Variants in ANKIB1 observed in about 807,000 individuals in gnomAD.
The protein encoded by ANKIB1 is ankyrin repeat and IBR domain containing 1, also known as ankyrin repeat and IBR domain-containing protein 1.
A neutral mutation model predicts 122.1 loss-of-function variants in ANKIB1; 43 were observed. That is an observed-to-expected ratio of 0.35 (90% CI 0.28 to 0.45). The LOEUF (loss-of-function observed/expected upper bound fraction) is 0.45. ANKIB1 is among the 20% of genes least tolerant of loss of function. The pLI is 1.00. For missense variants in ANKIB1, 992 were observed against 1,329.5 expected, an observed-to-expected ratio of 0.75 and a Z score of 3.95; for synonymous variants, 390 against 442.0, an observed-to-expected ratio of 0.88 and a Z score of 1.48.
At chr7:92,256,955 C>T (rs911616928) in intron 1 of ANKIB1, among the ~76,000 whole-genome samples, 2 of 151,986 alleles carry the variant, frequency 1.3e-5, no homozygotes, top group African/African-American at 2.4e-5. Flanking sequence ...TTTGAGAGGC[C>T]GAGGCATGTG....
Position 92,352,467 on chromosome 7 carries a change from T to C in ANKIB1, c.1231-9T>C. The C allele has an allele frequency of 6.2e-7, 1 of 1,612,972 alleles. No individual in the cohort carries two copies. The highest frequency in any genetic ancestry group is 8.5e-7 in the Non-Finnish European group (1 of 1,179,632). ...TTTCTTTTGTGTTTTGTTATTGCTGTTTAAACAGGCCTTTGTTGAAAATAA... is the reference window on the plus strand; with the variant it reads ...TTTCTTTTGTGTTTTGTTATTGCTGCTTAAACAGGCCTTTGTTGAAAATAA... On this transcript the variant is annotated splice_polypyrimidine_tract_variant and intron_variant, in intron 8 of 19. Coordinates refer to ENST00000265742, the MANE Select transcript of ANKIB1 (RefSeq NM_019004.2).
intron 5 of ANKIB1, among the ~76,000 whole-genome samples, chr7:92,332,702 C>T (rs1358504047): frequency 6.6e-6 from 1 of 152,134 alleles, no homozygotes; most frequent in South Asian, 2.1e-4. Context: ...CATCATCTTC[C>T]AAGCAATTAA....
chr7:92,346,061 A>G (rs545416722), intron 7 of ANKIB1, among the ~76,000 whole-genome samples: 102 of 151,334 alleles, frequency 6.7e-4, no homozygotes, highest in African/African-American at 2.4e-3. Context: ...AATCCCTGCT[A>G]CTCTTCTCTT....
In ANKIB1 at chr7:92,309,962, T is replaced by TATATATAAAA. The variant is rs1030276754; in HGVS notation, c.486+2307_486+2308insTATATAAAAA. On this transcript the variant is annotated intron_variant, in intron 3 of 19. Transcript: ENST00000265742. The stretch of plus-strand genomic sequence containing the variant: ...AAAAAAATATATATATATATATATA[T>TATATATAAAA]AAATTAAATGCTTTAATATCTTGCT... Among the ~76,000 whole-genome samples, 94 of 139,358 alleles carry TATATATAAAA rather than the reference T, an allele frequency of 6.7e-4. 2 individuals are homozygous for TATATATAAAA. The highest frequency in any genetic ancestry group is 2.4e-3 in the African/African-American group (91 of 37,408). The allele number at this position is 139,358 out of a possible 152,430, so 91.4% of individuals were successfully genotyped here. A position where few individuals can be genotyped will look rare whatever the true frequency, so the allele number is the denominator to read the frequency against.
At chr7:92,384,393 T>G (rs1804586894) in intron 11 of ANKIB1, among the ~76,000 whole-genome samples, 4 of 152,100 alleles carry the variant, frequency 2.6e-5, no homozygotes, top group Admixed American at 2.6e-4. Flanking sequence ...TACTTTAAAG[T>G]TCATAGGGAA....
intron 11 of ANKIB1, among the ~76,000 whole-genome samples, chr7:92,377,278 C>A (rs1804402691): frequency 1.3e-5 from 2 of 151,990 alleles, no homozygotes; most frequent in South Asian, 4.2e-4. Context: ...GGGAGACAGA[C>A]AGAGACAGGA....
chr7:92,392,789 A>G (rs1804813423), intron 17 of ANKIB1, among the ~76,000 whole-genome samples: 1 of 152,056 alleles, frequency 6.6e-6, no homozygotes, highest in Non-Finnish European at 1.5e-5. Context: ...TATCTTTAAG[A>G]CTTTCACACT....
chr7:92,351,707 CCTT>C (rs1324944538), intron 8 of ANKIB1, among the ~76,000 whole-genome samples: 2 of 148,602 alleles, frequency 1.3e-5, no homozygotes, highest in Admixed American at 6.7e-5. Flanking sequence ...GACAAGTCCT[CCTT>C]TTTTTTTTTG....
chr7:92,281,327 C>T (rs187287294), intron 1 of ANKIB1, among the ~76,000 whole-genome samples: 31 of 152,258 alleles, frequency 2.0e-4, no homozygotes, highest in African/African-American at 7.2e-4. Context: ...GCATATACTG[C>T]ATTATTTATA....
intron 9 of ANKIB1, among the ~76,000 whole-genome samples, chr7:92,359,980 A>C (rs1322202744): frequency 6.6e-6 from 1 of 152,180 alleles, no homozygotes; most frequent in Non-Finnish European, 1.5e-5. Flanking sequence ...AGCTCTGTAA[A>C]ACCACAATTA....
At chr7:92,277,004 G>A (rs1801918876) in intron 1 of ANKIB1, among the ~76,000 whole-genome samples, 2 of 152,292 alleles carry the variant, frequency 1.3e-5, no homozygotes, top group East Asian at 3.9e-4. Flanking sequence ...GTTTTTGTGA[G>A]ATCTGGTTGT....
At chr7:92,263,001 G>GT (rs1370220039) in intron 1 of ANKIB1, among the ~76,000 whole-genome samples, 5 of 152,178 alleles carry the variant, frequency 3.3e-5, no homozygotes, top group Non-Finnish European at 7.4e-5. Flanking sequence ...TTGTAAGCTA[G>GT]TAAGTTGTAG....
At position 92,350,940 on chromosome 7, in the gene ANKIB1, A is replaced by C. The variant is rs779174587; in HGVS notation, c.1086-10A>C. ...TTGCTCGTTTGATGTGCATTGATCC[A>C]TTTTAATAGGTTTTTGAATCTGAAA... On this transcript the variant is annotated splice_polypyrimidine_tract_variant and intron_variant, in intron 7 of 19. Coordinates refer to ENST00000265742, the MANE Select transcript of ANKIB1 (RefSeq NM_019004.2). The C allele has an allele frequency of 1.9e-6, 3 of 1,598,130 alleles. No homozygotes were observed. The Admixed American group carries it at 5.3e-5, about 28-fold the overall frequency.
At chr7:92,263,594 G>A (rs1398646402) in intron 1 of ANKIB1, among the ~76,000 whole-genome samples, 1 of 152,066 alleles carries the variant, frequency 6.6e-6, no homozygotes, top group Non-Finnish European at 1.5e-5. Flanking sequence ...GAATATTATT[G>A]CAAATGGAAA....
intron 4 of ANKIB1, among the ~76,000 whole-genome samples, chr7:92,321,559 A>AT (rs1802912723): frequency 6.6e-6 from 1 of 152,208 alleles, no homozygotes; most frequent in South Asian, 2.1e-4. Flanking sequence ...ACAGGCATCC[A>AT]TAGATATTTC....
chr7:92,398,324 A>C lies in ANKIB1; in HGVS notation c.2645A>C (p.Glu882Ala), dbSNP rs762493718. The part of the protein sequence containing the change: ...DEETRDFLSN[E>A]ASLGAIGTSL... ...GAAACTAGAGACTTCCTCAGTAATG[A>C]AGCATCCTTAGGTGCGATAGGCACT... Residue 882 changes from glutamate to alanine, a missense_variant, in exon 20 of 20, where the codon GAA (glutamate) becomes GCA (alanine). This residue lies in a region of ANKIB1 where 384 missense variants were observed against 412.0 expected (regional missense o/e 0.93). Transcript: ENST00000265742. The C allele has an allele frequency of 1.9e-6, 3 of 1,613,604 alleles. No individual in the cohort carries two copies. The highest frequency in any genetic ancestry group is 2.5e-6 in the Non-Finnish European group (3 of 1,179,778).
chr7:92,247,559 A>G (rs1331308234), intron 1 of ANKIB1, among the ~76,000 whole-genome samples: 1 of 152,224 alleles, frequency 6.6e-6, no homozygotes, highest in Non-Finnish European at 1.5e-5. Context: ...TCTTCAAAGT[A>G]TATTTTCAGA....
At chr7:92,261,882 A>G (rs1402736734) in intron 1 of ANKIB1, among the ~76,000 whole-genome samples, 6 of 152,140 alleles carry the variant, frequency 3.9e-5, no homozygotes, top group African/African-American at 1.4e-4. Context: ...TAACTTTTCT[A>G]TTTGAAAGAG....
At chr7:92,286,996 TTTCTATTCATGCCTTCCTAC>T (rs1173881616) in intron 1 of ANKIB1, among the ~76,000 whole-genome samples, 1 of 152,204 alleles carries the variant, frequency 6.6e-6, no homozygotes, top group Non-Finnish European at 1.5e-5. Context: ...GGTCTTCCTG[TTTCTATTCATGCCTTCCTAC>T]AGTCTCTTCC....
Sources: gnomAD v4.1 joint callset for allele counts (sites outside exome capture counted in the v4.1 genomes callset) on GRCh38, gnomAD v4.1.1 for gene constraint, gnomAD v4.1.1 regional missense constraint, MANE v1.5 for transcripts, NCBI Gene and HGNC (gene_info 2026-07-23, HGNC 2026-07-21) for gene names.